Variants in STRAP observed in about 807,000 individuals in gnomAD.
STRAP encodes the protein serine/threonine kinase receptor associated protein, also known as serine-threonine kinase receptor-associated protein.
STRAP carries 16 observed loss-of-function variants against 47.0 expected under a neutral mutation model. The observed-to-expected ratio is 0.34, with a 90% CI of 0.23 to 0.52. The LOEUF (loss-of-function observed/expected upper bound fraction) is 0.52, where lower values mean the gene tolerates loss of function less well. Among genes scored for constraint, STRAP ranks in the 20% least tolerant of loss-of-function variants. The pLI is 0.96. For missense variants in STRAP, 293 were observed against 420.0 expected (o/e 0.70, Z 2.64); for synonymous variants, 130 against 142.7 (o/e 0.91, Z 0.63).
intron 9 of STRAP, among the ~76,000 whole-genome samples, chr12:15,902,365 T>C (rs1006115631): frequency 6.6e-6 from 1 of 152,100 alleles, no homozygotes; most frequent in African/African-American, 2.4e-5. Flanking sequence ...AATTGTGAGA[T>C]TGATGAGTGG....
At chr12:15,891,520 G>C (rs1948014715) in intron 4 of STRAP, among the ~76,000 whole-genome samples, 1 of 152,166 alleles carries the variant, frequency 6.6e-6, no homozygotes, top group Non-Finnish European at 1.5e-5. Context: ...GCCCGTTTGG[G>C]CTACTTACAG....
chr12:15,902,536 T>C (rs1307838283), intron 9 of STRAP, among the ~76,000 whole-genome samples: 1 of 152,224 alleles, frequency 6.6e-6, no homozygotes, highest in Non-Finnish European at 1.5e-5. Flanking sequence ...ATGGTTAATG[T>C]TTTGCTTTAA....
At chr12:15,899,822 A>G in intron 7 of STRAP, 82 bp from the exon 8 acceptor site, 1 of 1,370,542 alleles carries the variant, frequency 7.3e-7, no homozygotes, top group South Asian at 1.3e-5. Context: ...CTCCCCAGTA[A>G]CACAGACAGT....
chr12:15,886,891 G>C (rs1016071603), intron 2 of STRAP, among the ~76,000 whole-genome samples: 1 of 152,008 alleles, frequency 6.6e-6, no homozygotes, highest in Non-Finnish European at 1.5e-5. Context: ...GGAGTAATTC[G>C]GGCAATTGAG....
At chr12:15,895,217 A>T (rs1031477115) in intron 5 of STRAP, 142 bp from the exon 6 acceptor site, 1 of 653,388 alleles carries the variant, frequency 1.5e-6, no homozygotes, top group Non-Finnish European at 2.4e-6. Flanking sequence ...TTTTTTAATC[A>T]TCTGTAATTT....
intron 2 of STRAP, among the ~76,000 whole-genome samples, chr12:15,889,591 A>G (rs1947998572): frequency 6.6e-6 from 1 of 152,162 alleles, no homozygotes; most frequent in African/African-American, 2.4e-5. Flanking sequence ...CAGGCTTGCT[A>G]AAGGGATATT....
At chr12:15,895,766 G>A (rs1394424228) in intron 6 of STRAP, among the ~76,000 whole-genome samples, 2 of 147,214 alleles carry the variant, frequency 1.4e-5, no homozygotes, top group African/African-American at 5.0e-5. Context: ...AGGCTGAGGT[G>A]AGTATTCTAT....
At chr12:15,898,454 G>A (rs868593615) in intron 7 of STRAP, among the ~76,000 whole-genome samples, 5 of 152,208 alleles carry the variant, frequency 3.3e-5, no homozygotes, top group Middle Eastern at 6.8e-3. Flanking sequence ...CTAAGACTCC[G>A]TAAAGAACAG....
chr12:15,886,038 A>C (rs1348188993), intron 2 of STRAP, among the ~76,000 whole-genome samples: 1 of 152,072 alleles, frequency 6.6e-6, no homozygotes, highest in Non-Finnish European at 1.5e-5. Context: ...ATAGATTTAA[A>C]TGTCAAGAAG....
chr12:15,884,757 GTTTT>G (rs796265005), intron 2 of STRAP, among the ~76,000 whole-genome samples: 1 of 151,858 alleles, frequency 6.6e-6, no homozygotes, highest in Admixed American at 6.6e-5. Context: ...GATTATTGGT[GTTTT>G]TTTATTTTTC....
chr12:15,882,984 A>T, intron 1 of STRAP, 165 bp downstream of exon 1: 1 of 1,418,970 alleles, frequency 7.0e-7, no homozygotes, highest in South Asian at 1.2e-5. Flanking sequence ...GGAGTGTGTT[A>T]GGGAATCCGC....
In STRAP at chr12:15,894,292, C is replaced by G. The variant is rs1268272452; in HGVS notation, c.500+149C>G. On this transcript the variant is annotated intron_variant, in intron 5 of 9. Transcript: ENST00000419869. This position sits in a 1 kb window ranked among gnomAD's most constrained non-coding sequence, Gnocchi z 4.9. Reference sequence around the variant, plus strand: ...TGGCCGACATGGCGAAATACTGTCTCTATGAAAATTACAAAACTTAGCCAA... The same window carrying G: ...TGGCCGACATGGCGAAATACTGTCTGTATGAAAATTACAAAACTTAGCCAA... 1 of 593,370 alleles carries G rather than the reference C, an allele frequency of 1.7e-6. No individual in the cohort carries two copies. Among genetic ancestry groups the G allele is most frequent in the Non-Finnish European group, 3.0e-6 (1 of 336,254 alleles). 36.8% of individuals were successfully genotyped at this position (593,370 alleles called of 1,614,324 possible).
At position 15,902,987 on chromosome 12, in the gene STRAP, C is replaced by A. The variant is rs1449389555; in HGVS notation, c.*9C>A. The stretch of plus-strand genomic sequence containing the variant: ...CTGATGTTAAGGCCTGAGCGTCAAT[C>A]ATATGTGCAGTTAGTATACAACTGA... On this transcript the variant is annotated 3_prime_UTR_variant, in exon 10 of 10. Transcript: ENST00000419869. 7.2e-7 allele frequency: 1 copy of A among 1,395,124 alleles called. No homozygotes were observed. Among genetic ancestry groups the A allele is most frequent in the Admixed American group, 2.6e-5 (1 of 39,106 alleles). 86.4% of individuals were successfully genotyped at this position (1,395,124 alleles called of 1,614,324 possible). A position where few individuals can be genotyped will look rare whatever the true frequency, so the allele number is the denominator to read the frequency against.
intron 7 of STRAP, 43 bp downstream of exon 7, chr12:15,898,061 G>A (rs1948074571): frequency 6.5e-7 from 1 of 1,546,310 alleles, no homozygotes; most frequent in Admixed American, 2.0e-5. Context: ...TTTATCATAT[G>A]TTAAGTCCCA....
At position 15,882,533 on chromosome 12, in the gene STRAP, C is replaced by T. The variant is rs1296855104; in HGVS notation, c.-175C>T. 4 of 608,754 alleles carry T rather than the reference C, an allele frequency of 6.6e-6. No individual in the cohort carries two copies. Among genetic ancestry groups the T allele is most frequent in the Non-Finnish European group, 8.8e-6 (3 of 341,410 alleles). The allele number at this position is 608,754 out of a possible 1,614,324, so 37.7% of individuals were successfully genotyped here. On this transcript the variant is annotated 5_prime_UTR_variant, in exon 1 of 10. Coordinates refer to ENST00000419869, the MANE Select transcript of STRAP (RefSeq NM_007178.4). ...TTGCTGGTCGCAGACTCCCTGACCC[C>T]TCCCTCACCCCTCCCTAACCTCGGT...
chr12:15,900,850 C>G, intron 8 of STRAP, 97 bp from the exon 9 acceptor site: 7 of 870,624 alleles, frequency 8.0e-6, no homozygotes, highest in African/African-American at 1.8e-5. Flanking sequence ...TAGCCATTTT[C>G]CTGGAATAGT....
At chr12:15,888,208 T>C (rs1947986928) in intron 2 of STRAP, among the ~76,000 whole-genome samples, 1 of 152,188 alleles carries the variant, frequency 6.6e-6, no homozygotes, top group Non-Finnish European at 1.5e-5. Flanking sequence ...AGTAGAACTT[T>C]AATAGCTAAG....
chr12:15,895,959 A>C (rs548730019), intron 6 of STRAP, among the ~76,000 whole-genome samples: 10 of 151,574 alleles, frequency 6.6e-5, no homozygotes, highest in African/African-American at 1.9e-4. Flanking sequence ...GTGGTGGCTC[A>C]CGTCTGTAAT....
chr12:15,903,075 A>G lies in STRAP; in HGVS notation c.*97A>G. On this transcript the variant is annotated 3_prime_UTR_variant, in exon 10 of 10. Transcript: ENST00000419869. ...GAGTTACTGTCTGCTTAAGGCAGAA[A>G]CAGCAGTAAATAATGAGGAAAATGA... 1 of 1,302,262 alleles carries G rather than the reference A, an allele frequency of 7.7e-7. No homozygotes were observed. The highest frequency in any genetic ancestry group is 1.0e-6 in the Non-Finnish European group (1 of 976,932). 80.7% of individuals were successfully genotyped at this position (1,302,262 alleles called of 1,614,324 possible). A position where few individuals can be genotyped will look rare whatever the true frequency, so the allele number is the denominator to read the frequency against.
Sources: allele counts gnomAD v4.1 joint callset (sites outside exome capture counted in the v4.1 genomes callset), GRCh38; gene constraint gnomAD v4.1.1; non-coding constraint Gnocchi (gnomAD v3.1); transcripts MANE v1.5; gene names NCBI Gene and HGNC (gene_info 2026-07-23, HGNC 2026-07-21).